NDUFA10: variants seen among roughly 807,000 people sequenced by gnomAD.
The protein encoded by NDUFA10 is NADH:ubiquinone oxidoreductase subunit A10, also known as NADH dehydrogenase [ubiquinone] 1 alpha subcomplex subunit 10, mitochondrial.
A neutral mutation model predicts 47.8 loss-of-function variants in NDUFA10; 40 were observed. The observed-to-expected ratio is 0.84, with a 90% CI of 0.65 to 1.09. NDUFA10 has a LOEUF of 1.09. Ranked by LOEUF, NDUFA10 falls within the 50% of genes least tolerant of loss-of-function variation. The pLI is 0.00. For missense variants in NDUFA10, 413 were observed against 451.1 expected, an observed-to-expected ratio of 0.92 and a Z score of 0.76; for synonymous variants, 183 against 172.2, an observed-to-expected ratio of 1.06 and a Z score of -0.49.
At chr2:239,907,961 G>A (rs1183996660) in intron 4 of NDUFA10, among the ~76,000 whole-genome samples, 11 of 152,042 alleles carry the variant, frequency 7.2e-5, no homozygotes, top group Non-Finnish European at 1.0e-4. Context: ...TGTTTATTGC[G>A]GCACTATTCA....
chr2:239,893,276 T>C (rs767173246), intron 5 of NDUFA10, among the ~76,000 whole-genome samples: 1 of 151,912 alleles, frequency 6.6e-6, no homozygotes, highest in Non-Finnish European at 1.5e-5. Flanking sequence ...GGACCGGAAG[T>C]ATGTGCACAG....
intron 9 of NDUFA10, chr2:239,973,523 T>C: frequency 2.1e-6 from 1 of 469,936 alleles, no homozygotes; most frequent in Non-Finnish European, 4.4e-6. Flanking sequence ...AAACAGAAGA[T>C]TCTGTTGTCC....
intron 9 of NDUFA10, among the ~76,000 whole-genome samples, chr2:239,974,996 T>C (rs917357396): frequency 7.0e-5 from 9 of 128,156 alleles, no homozygotes; most frequent in African/African-American, 2.8e-4. Flanking sequence ...TTTAAAAACA[T>C]GTGACACTCC....
rs762468380 is a variant in NDUFA10, at chr2:240,011,678, T to C, written c.688A>G (p.Thr230Ala). The C allele has an allele frequency of 6.2e-7, 1 of 1,613,180 alleles. No homozygotes were observed. The highest frequency in any genetic ancestry group is 1.1e-5 in the South Asian group (1 of 91,050). ...KKGDPHEMKI[T>A]SAYLQDIENA... Reference sequence around the variant, plus strand: ...TCAATGTCCTGTAGATAGGCAGAGGTGATCTTCATTTCATGTGGCTAAACA... The same window carrying C: ...TCAATGTCCTGTAGATAGGCAGAGGCGATCTTCATTTCATGTGGCTAAACA... The change falls in exon 6 of 10, where the codon ACC becomes GCC. Residue 230 changes from threonine (T) to alanine (A), a missense_variant. Transcript: ENST00000252711.
In NDUFA10 at chr2:239,932,475, A is replaced by T. The variant is rs550748298; in HGVS notation, c.295-37161T>A. Among the ~76,000 whole-genome samples, 11 of 152,342 alleles carry T rather than the reference A, an allele frequency of 7.2e-5. 1 individual carries two copies. The East Asian group carries it at 2.1e-3, about 29-fold the overall frequency. ...CCCCCGCAAGCCCGCAGGCGTGTAG[A>T]TTGCTTACACGTTTCTTGCTATTTT... On this transcript the variant is annotated intron_variant, in intron 4 of 5. Coordinates refer to the NDUFA10 transcript ENST00000419408.
At chr2:239,956,243 A>G (rs547821810), downstream of NDUFA10, among the ~76,000 whole-genome samples, 2 of 152,278 alleles carry the variant, frequency 1.3e-5, no homozygotes, top group East Asian at 3.9e-4. Flanking sequence ...CCCACCATAC[A>G]TGCAAGACGC....
rs1697654798 is a variant in NDUFA10 at position 240,022,251 on chromosome 2, TTC to T, written c.163_164del (p.Glu55ThrfsTer33). 2 of 1,614,132 alleles carry T rather than the reference TTC, an allele frequency of 1.2e-6. No individual in the cohort carries two copies. The highest frequency in any genetic ancestry group is 2.2e-5 in the East Asian group (1 of 44,866). On this transcript the variant is annotated frameshift_variant, in exon 2 of 10. Transcript: ENST00000252711. LOFTEE classifies it high-confidence loss of function. Reference protein sequence around the residue: ...LGDKASKRLTERSRVITVDGN... With the variant: ...LGDKASKRLTXRSRVITVDGN... Reference sequence around the variant, plus strand: ...CATCTACAGTTATCACTCTGCTGCGTTCTGTCAGTCTTTTGCTTGCTTTATCC... The same window carrying T: ...CATCTACAGTTATCACTCTGCTGCGTTGTCAGTCTTTTGCTTGCTTTATCC...
chr2:240,023,640 A>T (rs187877597), intron 1 of NDUFA10, among the ~76,000 whole-genome samples: 2 of 152,372 alleles, frequency 1.3e-5, no homozygotes, highest in Admixed American at 1.3e-4. Context: ...ATTAAGGCAT[A>T]TCCATATTAT....
chr2:239,939,917 A>G (rs1035021815), intron 4 of NDUFA10, among the ~76,000 whole-genome samples: 1 of 152,188 alleles, frequency 6.6e-6, no homozygotes, highest in African/African-American at 2.4e-5. Context: ...AGCCAGCCCT[A>G]CTCAGTCAGG....
At chr2:239,944,586 T>A (rs1228271493) in intron 4 of NDUFA10, among the ~76,000 whole-genome samples, 2 of 152,188 alleles carry the variant, frequency 1.3e-5, no homozygotes, top group African/African-American at 4.8e-5. Flanking sequence ...ATTTTCTTCA[T>A]GGAACTGGCA....
chr2:239,995,573 C>T (rs1463358304), intron 8 of NDUFA10, among the ~76,000 whole-genome samples: 1 of 152,104 alleles, frequency 6.6e-6, no homozygotes, highest in South Asian at 2.1e-4. Context: ...AAACAGAAAA[C>T]AGGGAAAAGC....
Position 239,924,768 on chromosome 2 carries a change from C to A in NDUFA10, c.295-29454G>T, listed in dbSNP as rs575150035. Among the ~76,000 whole-genome samples, 11 of 152,150 alleles carry A rather than the reference C, an allele frequency of 7.2e-5. No individual in the cohort carries two copies. In the South Asian group the frequency reaches 2.3e-3, roughly 32 times the overall value. ...GATTGGAAAAAAATAAAGAAAAACT[C>A]TTCTTATTTGCAGATGACATGATGG... is the stretch of plus-strand genomic sequence containing the variant. On this transcript the variant is annotated intron_variant, in intron 4 of 5. Transcript: ENST00000419408.
chr2:239,899,187 G>A (rs1229748487), intron 4 of NDUFA10, among the ~76,000 whole-genome samples: 1 of 19,004 alleles, frequency 5.3e-5, no homozygotes, highest in African/African-American at 1.5e-4. Flanking sequence ...GGAGGGGTGT[G>A]ATGGAGGAGT....
At chr2:239,967,977 T>TACACACACACACACACACACACAC (rs1380084722) in intron 9 of NDUFA10, among the ~76,000 whole-genome samples, 3 of 139,646 alleles carry the variant, frequency 2.1e-5, no homozygotes, top group African/African-American at 8.3e-5. Flanking sequence ...AGGAAAAAAA[T>TACACACACACACACACACACACAC]ATACACACAC....
At chr2:239,922,031 T>TCCTTCCTTCCCTTCCTCCCTCCCTC (rs1693997440) in intron 4 of NDUFA10, among the ~76,000 whole-genome samples, 1 of 133,260 alleles carries the variant, frequency 7.5e-6, no homozygotes, top group Non-Finnish European at 1.6e-5. Flanking sequence ...CTTCCTTCTT[T>TCCTTCCTTCCCTTCCTCCCTCCCTC]CCTTCCTTCC....
chr2:240,010,193 C>G (rs1392458186), intron 6 of NDUFA10, among the ~76,000 whole-genome samples: 1 of 152,212 alleles, frequency 6.6e-6, no homozygotes, highest in African/African-American at 2.4e-5. Context: ...TGGCTCCCAT[C>G]AATCCATACG....
intron 9 of NDUFA10, among the ~76,000 whole-genome samples, chr2:239,963,769 G>A (rs1348760065): frequency 3.9e-5 from 6 of 152,220 alleles, no homozygotes; most frequent in Admixed American, 2.0e-4. Flanking sequence ...CATGTGAGCC[G>A]ACCATCCAGG....
chr2:239,992,088 T>C (rs1239259497), intron 8 of NDUFA10, among the ~76,000 whole-genome samples: 2 of 152,242 alleles, frequency 1.3e-5, no homozygotes, highest in Non-Finnish European at 2.9e-5. Context: ...GAGTCCATGG[T>C]ATATCTCCAG....
chr2:239,946,707 C>A lies in NDUFA10; in HGVS notation c.294+43367G>T, dbSNP rs180679412. Reference sequence around the variant, plus strand: ...GAAGGAGGCAGGACCGAGGTTTTGTCAGGCACGCCTGACATGGATGTGTGC... The same window carrying A: ...GAAGGAGGCAGGACCGAGGTTTTGTAAGGCACGCCTGACATGGATGTGTGC... On this transcript the variant is annotated intron_variant, in intron 4 of 5. Coordinates refer to the NDUFA10 transcript ENST00000419408. 1.8e-3 allele frequency among the ~76,000 whole-genome samples: 273 copies of A among 152,344 alleles called. 1 individual carries two copies. Among genetic ancestry groups the A allele is most frequent in the African/African-American group, 6.3e-3 (263 of 41,582 alleles).
Sources: gnomAD v4.1 joint callset for allele counts (sites outside exome capture counted in the v4.1 genomes callset) on GRCh38, gnomAD v4.1.1 for gene constraint, MANE v1.5 for transcripts, NCBI Gene and HGNC (gene_info 2026-07-23, HGNC 2026-07-21) for gene names.